Variants in CLYBL observed in about 807,000 individuals in gnomAD.
CLYBL encodes the protein citramalyl-CoA lyase, mitochondrial.
Under a neutral mutation model 38.9 loss-of-function variants are expected in CLYBL, and 31 were observed. That is an observed-to-expected ratio of 0.80 (90% CI 0.60 to 1.08). CLYBL has a LOEUF of 1.08. CLYBL is among the 50% of genes least tolerant of loss of function. CLYBL has a pLI of 0.00. For synonymous variants in CLYBL, 171 were observed against 158.6 expected (o/e 1.08, Z -0.59); for missense variants, 434 against 411.6 (o/e 1.05, Z -0.47).
chr13:99,881,011 C>T lies in CLYBL; in HGVS notation c.927+9949C>T, dbSNP rs113852147. 5.3e-3 allele frequency among the ~76,000 whole-genome samples: 814 copies of T among 152,352 alleles called. 13 individuals are homozygous for T. Among genetic ancestry groups the T allele is most frequent in the African/African-American group, 0.018 (768 of 41,578 alleles). ...TTCCCCAGCTGCTCAGCATGCTGCT[C>T]CCGTCTGGCTTTTCACTGTGCTTCC... On this transcript the variant is annotated intron_variant, in intron 7 of 8. Coordinates refer to ENST00000339105, the MANE Select transcript of CLYBL (RefSeq NM_206808.5).
chr13:99,624,173 T>C lies in CLYBL; in HGVS notation c.62+17416T>C, dbSNP rs552980009. ...AGCACCCCGTTCTTCATTGCACTTA[T>C]GATTTGTCACCAGCCACGAATGTGT... On this transcript the variant is annotated intron_variant, in intron 1 of 8. Coordinates refer to ENST00000339105, the MANE Select transcript of CLYBL (RefSeq NM_206808.5). Among the ~76,000 whole-genome samples, 20 of 152,274 alleles carry C rather than the reference T, an allele frequency of 1.3e-4. No homozygotes were observed. In the East Asian group the frequency reaches 1.7e-3, roughly 13 times the overall value.
chr13:99,788,336 T>C (rs2049842996), intron 2 of CLYBL, among the ~76,000 whole-genome samples: 1 of 152,068 alleles, frequency 6.6e-6, no homozygotes, highest in African/African-American at 2.4e-5. Context: ...GGCTGTGGAT[T>C]TGTCATAAAT....
intron 1 of CLYBL, among the ~76,000 whole-genome samples, chr13:99,723,863 C>G (rs2048429078): frequency 6.6e-6 from 1 of 152,104 alleles, no homozygotes; most frequent in Admixed American, 6.6e-5. Flanking sequence ...TTTCAGTGAT[C>G]TTTTTTGTGA....
chr13:99,835,329 C>T (rs1308357614), intron 2 of CLYBL, among the ~76,000 whole-genome samples: 2 of 152,194 alleles, frequency 1.3e-5, no homozygotes, highest in Non-Finnish European at 2.9e-5. Context: ...AAGTGCTCCT[C>T]CTCCATGTTC....
chr13:99,828,924 T>C (rs904833190), intron 2 of CLYBL, among the ~76,000 whole-genome samples: 9 of 152,282 alleles, frequency 5.9e-5, no homozygotes, highest in African/African-American at 2.2e-4. Flanking sequence ...GCAGAAGCAG[T>C]GTGCAGACCC....
At chr13:99,841,693 C>T (rs1056520676) in intron 2 of CLYBL, among the ~76,000 whole-genome samples, 2 of 152,234 alleles carry the variant, frequency 1.3e-5, no homozygotes, top group African/African-American at 4.8e-5. Flanking sequence ...AGCCACTGCG[C>T]CCGGCCACAC....
chr13:99,849,869 C>T lies in CLYBL; in HGVS notation c.250-8992C>T, dbSNP rs565476325. Among the ~76,000 whole-genome samples, 1 of 149,474 alleles carries T rather than the reference C, an allele frequency of 6.7e-6. No homozygotes were observed. The highest frequency in any genetic ancestry group is 1.9e-4 in the East Asian group (1 of 5,182). ...GCCAAGGAGGCAGACAGAAGTAAGC[C>T]CCTTCTTTCCACTGGAGTTTTCTCT... On this transcript the variant is annotated intron_variant, in intron 2 of 8. Coordinates refer to ENST00000339105, the MANE Select transcript of CLYBL (RefSeq NM_206808.5). This position sits in a 1 kb window ranked among gnomAD's most constrained non-coding sequence, Gnocchi z 4.9.
intron 1 of CLYBL, among the ~76,000 whole-genome samples, chr13:99,734,073 G>C (rs1333865525): frequency 6.6e-6 from 1 of 152,138 alleles, no homozygotes; most frequent in Non-Finnish European, 1.5e-5. Context: ...TAATCTTTTA[G>C]AAGAAAAATA....
chr13:99,791,015 T>C (rs1437430031), intron 2 of CLYBL, among the ~76,000 whole-genome samples: 1 of 152,164 alleles, frequency 6.6e-6, no homozygotes, highest in African/African-American at 2.4e-5. Context: ...AGAGATCTAT[T>C]TGGAGTCTAA....
chr13:99,786,181 T>G (rs929096551), intron 2 of CLYBL, among the ~76,000 whole-genome samples: 1 of 151,544 alleles, frequency 6.6e-6, no homozygotes, highest in African/African-American at 2.4e-5. Context: ...ATTGCCTTTT[T>G]TTTTCTGGCT....
chr13:99,700,595 A>G (rs1272026824), intron 1 of CLYBL, among the ~76,000 whole-genome samples: 2 of 152,136 alleles, frequency 1.3e-5, no homozygotes, highest in African/African-American at 4.8e-5. Context: ...TGACTCCCTC[A>G]AGTTTCCAGG....
At chr13:99,616,411 AT>A (rs2046711548) in intron 1 of CLYBL, among the ~76,000 whole-genome samples, 1 of 152,054 alleles carries the variant, frequency 6.6e-6, no homozygotes, top group South Asian at 2.1e-4. Flanking sequence ...GCACATATAT[AT>A]TTGTATGTGT....
rs184001514 is a variant in CLYBL at position 99,797,357 on chromosome 13, A to G, written c.249+24347A>G. ...GGAAGATAGTTCCACTGACATGAAA[A>G]TAACTCTGAACTGTCTCTTTTAGAG... On this transcript the variant is annotated intron_variant, in intron 2 of 8. Coordinates refer to ENST00000339105, the MANE Select transcript of CLYBL (RefSeq NM_206808.5). 3.3e-5 allele frequency among the ~76,000 whole-genome samples: 5 copies of G among 152,314 alleles called. No homozygotes were observed. In the East Asian group the frequency reaches 9.6e-4, roughly 29 times the overall value.
chr13:99,764,229 T>G (rs1245161706), intron 1 of CLYBL, among the ~76,000 whole-genome samples: 1 of 151,966 alleles, frequency 6.6e-6, no homozygotes, highest in African/African-American at 2.4e-5. Flanking sequence ...GGCTAATTTT[T>G]TTTTTCTTTT....
At chr13:99,906,471 G>C (rs980130908) in intron 9 of CLYBL, among the ~76,000 whole-genome samples, 1 of 150,372 alleles carries the variant, frequency 6.7e-6, no homozygotes, top group African/African-American at 2.5e-5. Context: ...AGTCTTGCTC[G>C]GTCACCCAGT....
intron 1 of CLYBL, among the ~76,000 whole-genome samples, chr13:99,681,816 C>T (rs1252353630): frequency 1.3e-5 from 2 of 152,072 alleles, no homozygotes; most frequent in Admixed American, 6.5e-5. Context: ...AAATTCCTGA[C>T]CTCAAGTGAT....
chr13:99,710,728 G>T (rs1288648201), intron 1 of CLYBL, among the ~76,000 whole-genome samples: 3 of 152,038 alleles, frequency 2.0e-5, no homozygotes, highest in Admixed American at 6.6e-5. Context: ...CTTGGTTTTT[G>T]ACTCTGTCCC....
intron 1 of CLYBL, among the ~76,000 whole-genome samples, chr13:99,761,375 A>G (rs4772241): frequency 0.24 from 36,220 of 152,062 alleles, 4,384 homozygotes; most frequent in East Asian, 0.3. Flanking sequence ...TATATTTTCT[A>G]TCTTCACAAG....
Position 99,630,628 on chromosome 13 carries a change from T to C in CLYBL, c.62+23871T>C, listed in dbSNP as rs117661974. On this transcript the variant is annotated intron_variant, in intron 1 of 8. Transcript: ENST00000339105. Reference sequence around the variant, plus strand: ...TGGCCTCTCTTTTTTCTTTCTTCTTTTTGTTCTTTCACCTTTCCCCTGTGA... The same window carrying C: ...TGGCCTCTCTTTTTTCTTTCTTCTTCTTGTTCTTTCACCTTTCCCCTGTGA... Among the ~76,000 whole-genome samples the C allele has an allele frequency of 1.3e-3, 204 of 152,298 alleles. 3 individuals are homozygous for C. In the East Asian group the frequency reaches 0.034, roughly 26 times the overall value.
Sources: gnomAD v4.1 joint callset for allele counts (sites outside exome capture counted in the v4.1 genomes callset) on GRCh38, gnomAD v4.1.1 for gene constraint, Gnocchi (gnomAD v3.1) non-coding constraint, MANE v1.5 for transcripts, NCBI Gene and HGNC (gene_info 2026-07-23, HGNC 2026-07-21) for gene names.